Variants in KCNC2 observed in about 807,000 individuals in gnomAD.
KCNC2 encodes the protein potassium voltage-gated channel subfamily C member 2, also known as voltage-gated potassium channel KCNC2.
Under a neutral mutation model 44.5 loss-of-function variants are expected in KCNC2, and 21 were observed. That is an observed-to-expected ratio of 0.47 (90% CI 0.33 to 0.68). The LOEUF is 0.68. Ranked by LOEUF, KCNC2 falls within the 30% of genes least tolerant of loss-of-function variation. The pLI is 0.01. For synonymous variants in KCNC2, 391 were observed against 339.1 expected, an observed-to-expected ratio of 1.15 and a Z score of -1.68; for missense variants, 589 against 826.2, an observed-to-expected ratio of 0.71 and a Z score of 3.52.
chr12:75,100,282 T>G (rs1290796347), intron 2 of KCNC2, among the ~76,000 whole-genome samples: 1 of 152,102 alleles, frequency 6.6e-6, no homozygotes, highest in South Asian at 2.1e-4. Context: ...ATTCTTCCCT[T>G]ATTTATAGAT....
At chr12:75,177,580 C>T (rs533944242) in intron 2 of KCNC2, among the ~76,000 whole-genome samples, 1 of 152,068 alleles carries the variant, frequency 6.6e-6, no homozygotes, top group East Asian at 1.9e-4. Context: ...CCAGTTCATT[C>T]AATTGTTCTT....
chr12:75,110,946 G>A (rs114045143), intron 2 of KCNC2, among the ~76,000 whole-genome samples: 3,460 of 151,952 alleles, frequency 0.023, 140 homozygotes, highest in African/African-American at 0.079. Context: ...TTAAAAATAC[G>A]CTTTGTTATT....
At chr12:75,180,391 C>T (rs1323427088) in intron 2 of KCNC2, among the ~76,000 whole-genome samples, 1 of 151,674 alleles carries the variant, frequency 6.6e-6, no homozygotes, top group African/African-American at 2.4e-5. Flanking sequence ...CTTTTTATCA[C>T]CAATCATTTC....
At chr12:75,173,210 T>G (rs11180386) in intron 2 of KCNC2, among the ~76,000 whole-genome samples, 45,330 of 151,722 alleles carry the variant, frequency 0.3, 6,844 homozygotes, top group Middle Eastern at 0.41. Context: ...AAACTAGAAA[T>G]AAGCATTTTT....
At chr12:75,043,305 C>T in intron 4 of KCNC2, 64 bp from the exon 5 acceptor site, 5 of 1,561,004 alleles carry the variant, frequency 3.2e-6, no homozygotes, top group Non-Finnish European at 4.3e-6. Context: ...ACAAATAATA[C>T]CATGCAGGGC....
intron 2 of KCNC2, among the ~76,000 whole-genome samples, chr12:75,065,583 G>A (rs980077837): frequency 2.6e-5 from 4 of 151,832 alleles, no homozygotes; most frequent in African/African-American, 4.8e-5. Context: ...TCTTAGACAC[G>A]CAATACTTAC....
chr12:75,193,094 AACG>A (rs1287508936), intron 2 of KCNC2, among the ~76,000 whole-genome samples: 1 of 152,160 alleles, frequency 6.6e-6, no homozygotes, highest in African/African-American at 2.4e-5. Context: ...AAACAACAAC[AACG>A]ACAACAAAAT....
intron 2 of KCNC2, among the ~76,000 whole-genome samples, chr12:75,107,769 A>C (rs886813770): frequency 2.6e-5 from 4 of 152,336 alleles, no homozygotes; most frequent in African/African-American, 9.6e-5. Flanking sequence ...TTAATTCCTA[A>C]GTCATTAATT....
chr12:75,048,106 GT>G, intron 4 of KCNC2, 46 bp downstream of exon 4: 1 of 1,557,604 alleles, frequency 6.4e-7, no homozygotes, highest in Non-Finnish European at 8.8e-7. Flanking sequence ...ATTTCCAACA[GT>G]TTATTGCTAA....
intron 2 of KCNC2, among the ~76,000 whole-genome samples, chr12:75,103,691 C>T (rs1018103947): frequency 1.3e-5 from 2 of 152,072 alleles, no homozygotes; most frequent in Non-Finnish European, 2.9e-5. Context: ...GGGATATGTT[C>T]CAAGACTCCA....
At chr12:75,200,677 A>G (rs1455945567) in intron 2 of KCNC2, among the ~76,000 whole-genome samples, 1 of 151,660 alleles carries the variant, frequency 6.6e-6, no homozygotes, top group African/African-American at 2.4e-5. Context: ...AGCACTATAC[A>G]CTATACATAC....
At position 75,209,473 on chromosome 12, in the gene KCNC2, A is replaced by G. The variant is rs1422869040; in HGVS notation, c.-286T>C. 1 of 152,052 alleles carries G rather than the reference A, an allele frequency of 6.6e-6. No individual in the cohort carries two copies. Among genetic ancestry groups the G allele is most frequent in the East Asian group, 1.9e-4 (1 of 5,146 alleles). 9.4% of individuals were successfully genotyped at this position (152,052 alleles called of 1,614,324 possible). On this transcript the variant is annotated 5_prime_UTR_variant, in exon 1 of 5. Coordinates refer to ENST00000549446, the MANE Select transcript of KCNC2 (RefSeq NM_139137.4). ...GTCGCCAACCTCCGCGCCCAGAGTC[A>G]CCATCGCGCAGGGTTGGGCAAACCA... is the stretch of plus-strand genomic sequence containing the variant.
chr12:75,096,209 G>A (rs1885910179), intron 2 of KCNC2, among the ~76,000 whole-genome samples: 1 of 151,892 alleles, frequency 6.6e-6, no homozygotes, highest in South Asian at 2.1e-4. Context: ...TAAAAACAAA[G>A]ACCCAATTCA....
At chr12:75,045,867 A>C (rs1880444994) in intron 4 of KCNC2, among the ~76,000 whole-genome samples, 1 of 151,890 alleles carries the variant, frequency 6.6e-6, no homozygotes, top group African/African-American at 2.4e-5. Flanking sequence ...GAATCCAGTA[A>C]TTTATTTTCA....
chr12:75,136,975 T>C (rs1317759214), intron 2 of KCNC2, among the ~76,000 whole-genome samples: 1 of 152,162 alleles, frequency 6.6e-6, no homozygotes, highest in Non-Finnish European at 1.5e-5. Flanking sequence ...TCTTTCCTTG[T>C]CAAATTTGCA....
At chr12:75,088,754 A>C (rs1481062789) in intron 2 of KCNC2, among the ~76,000 whole-genome samples, 1 of 151,982 alleles carries the variant, frequency 6.6e-6, no homozygotes, top group Admixed American at 6.6e-5. Flanking sequence ...TGCAAGTTTT[A>C]GTTATTAATG....
rs1387494600 is a variant in KCNC2 at position 75,042,128 on chromosome 12, AAG to A, written c.*975_*976del. The A allele has an allele frequency of 2.4e-6, 3 of 1,251,034 alleles. No individual in the cohort carries two copies. Among genetic ancestry groups the A allele is most frequent in the Non-Finnish European group, 3.0e-6 (3 of 995,258 alleles). The allele number at this position is 1,251,034 out of a possible 1,614,324, so 77.5% of individuals were successfully genotyped here. A position where few individuals can be genotyped will look rare whatever the true frequency, so the allele number is the denominator to read the frequency against. On this transcript the variant is annotated 3_prime_UTR_variant, in exon 5 of 5. Coordinates refer to ENST00000549446, the MANE Select transcript of KCNC2 (RefSeq NM_139137.4). Reference sequence around the variant, plus strand: ...AAAAATTAATAAATAAAAATAAAATAAGGGGGTAAAAAAAAGACACAAGAGCT... The same window carrying A: ...AAAAATTAATAAATAAAAATAAAATAGGGGTAAAAAAAAGACACAAGAGCT...
In KCNC2 at chr12:75,208,002, A is replaced by G; in HGVS notation, c.-19T>C. On this transcript the variant is annotated splice_region_variant and 5_prime_UTR_variant, in exon 2 of 5. Transcript: ENST00000549446. ...TGCCCATCTCTGTGACTCAGACATG[A>G]CTAGGGGGAGGCAAACACAGCGCCG... is the stretch of plus-strand genomic sequence containing the variant. The G allele has an allele frequency of 6.2e-7, 1 of 1,610,906 alleles. No individual in the cohort carries two copies. The highest frequency in any genetic ancestry group is 1.7e-4 in the Middle Eastern group (1 of 6,048).
At chr12:75,058,776 A>C (rs1882008477) in intron 2 of KCNC2, among the ~76,000 whole-genome samples, 1 of 151,948 alleles carries the variant, frequency 6.6e-6, no homozygotes, top group South Asian at 2.1e-4. Context: ...CTTGCTCAGT[A>C]ATTTTTTTCT....
Sources: allele counts gnomAD v4.1 joint callset (sites outside exome capture counted in the v4.1 genomes callset), GRCh38; gene constraint gnomAD v4.1.1; transcripts MANE v1.5; gene names NCBI Gene and HGNC (gene_info 2026-07-23, HGNC 2026-07-21).